The following DLGAP2 variants were observed in gnomAD, a reference collection of about 807,000 sequenced individuals.
DLGAP2 encodes the protein disks large-associated protein 2.
DLGAP2 carries 26 observed loss-of-function variants against 100.3 expected under a neutral mutation model. That is an observed-to-expected ratio of 0.26 (90% CI 0.19 to 0.36). The LOEUF is 0.36. DLGAP2 is among the 10% of genes least tolerant of loss of function. The pLI, the probability that DLGAP2 is intolerant of heterozygous loss-of-function variation, is 1.00. For synonymous variants in DLGAP2, 886 were observed against 630.1 expected, an observed-to-expected ratio of 1.41 and a Z score of -6.08; for missense variants, 1,858 against 1,453.2, an observed-to-expected ratio of 1.28 and a Z score of -4.53.
intron 2 of DLGAP2, among the ~76,000 whole-genome samples, chr8:1,073,736 G>A (rs1053733296): frequency 6.6e-6 from 1 of 152,320 alleles, no homozygotes; most frequent in East Asian, 1.9e-4. Flanking sequence ...TCCCATGCAC[G>A]GCTCCCATGC....
chr8:1,603,621 G>T (rs536626852), intron 6 of DLGAP2, among the ~76,000 whole-genome samples: 1 of 151,476 alleles, frequency 6.6e-6, no homozygotes, highest in Non-Finnish European at 1.5e-5. Context: ...TCTCAGTTCT[G>T]TAGAGGCTGG....
intron 3 of DLGAP2, among the ~76,000 whole-genome samples, chr8:1,452,815 G>A (rs1280669213): frequency 6.6e-6 from 1 of 152,152 alleles, no homozygotes; most frequent in African/African-American, 2.4e-5. Context: ...GCAGGTCTAT[G>A]GATCCCAGCC....
At chr8:1,606,918 C>T (rs549974576) in intron 6 of DLGAP2, among the ~76,000 whole-genome samples, 1 of 152,162 alleles carries the variant, frequency 6.6e-6, no homozygotes. Context: ...CTCCTAAGCT[C>T]GAGAGATCCA....
chr8:1,690,295 G>A (rs942905136), intron 12 of DLGAP2, among the ~76,000 whole-genome samples: 2 of 151,848 alleles, frequency 1.3e-5, no homozygotes, highest in South Asian at 2.1e-4. Flanking sequence ...GGTGGAGGCT[G>A]CAGTGAGCCA....
intron 2 of DLGAP2, among the ~76,000 whole-genome samples, chr8:1,151,716 A>C (rs2129051586): frequency 6.6e-6 from 1 of 152,254 alleles, no homozygotes; most frequent in African/African-American, 2.4e-5. Context: ...AAAGAGGCCG[A>C]TTGTCAGGTG....
chr8:973,764 G>A lies in DLGAP2; in HGVS notation c.73+65798G>A, dbSNP rs1272964774. Among the ~76,000 whole-genome samples, 18 of 152,206 alleles carry A rather than the reference G, an allele frequency of 1.2e-4. 1 individual carries two copies. In the South Asian group the frequency reaches 2.5e-3, roughly 21 times the overall value. On this transcript the variant is annotated intron_variant, in intron 2 of 14. Coordinates refer to ENST00000637795, the MANE Select transcript of DLGAP2 (RefSeq NM_001346810.2). ...GATCATGGAGGGAAGGCAAATATACGCGCGGCTGAGCGGAGGCGAATCCGG... is the reference window on the plus strand; with the variant it reads ...GATCATGGAGGGAAGGCAAATATACACGCGGCTGAGCGGAGGCGAATCCGG...
At chr8:1,204,548 G>A (rs762143676) in intron 2 of DLGAP2, among the ~76,000 whole-genome samples, 2 of 149,858 alleles carry the variant, frequency 1.3e-5, no homozygotes, top group African/African-American at 2.5e-5. Flanking sequence ...ACTTGTGTGT[G>A]TGTGTATATG....
intron 8 of DLGAP2, 125 bp downstream of exon 8, chr8:1,633,171 T>G: frequency 1.2e-6 from 1 of 864,734 alleles, no homozygotes; most frequent in Admixed American, 2.6e-5. Flanking sequence ...TAGTAACGTT[T>G]CCTAATTGCA....
At chr8:934,745 G>A (rs534682918) in intron 2 of DLGAP2, among the ~76,000 whole-genome samples, 4 of 152,226 alleles carry the variant, frequency 2.6e-5, no homozygotes, top group African/African-American at 7.2e-5. Context: ...GCCGGCTCTC[G>A]GGGAGATGGA....
intron 2 of DLGAP2, among the ~76,000 whole-genome samples, chr8:921,267 G>A (rs1160172057): frequency 6.6e-6 from 1 of 152,098 alleles, no homozygotes; most frequent in African/African-American, 2.4e-5. Context: ...ACTTTCCTGG[G>A]CTCAGGGTTT....
chr8:1,667,692 G>A (rs1261969629), intron 8 of DLGAP2, among the ~76,000 whole-genome samples: 1 of 152,194 alleles, frequency 6.6e-6, no homozygotes, highest in Non-Finnish European at 1.5e-5. Context: ...TCACACACAG[G>A]TTTCCTGTAC....
At chr8:1,060,904 A>C (rs1018981431) in intron 2 of DLGAP2, among the ~76,000 whole-genome samples, 1 of 152,214 alleles carries the variant, frequency 6.6e-6, no homozygotes, top group African/African-American at 2.4e-5. Context: ...AAGGGATCTT[A>C]GGGAAGGGAG....
chr8:1,287,197 T>G (rs1799943243), intron 3 of DLGAP2, among the ~76,000 whole-genome samples: 1 of 81,404 alleles, frequency 1.2e-5, no homozygotes. Context: ...GGAACTAGTT[T>G]TGGTTCAGTG....
At chr8:789,940 G>C (rs920317827) in intron 1 of DLGAP2, among the ~76,000 whole-genome samples, 1 of 152,178 alleles carries the variant, frequency 6.6e-6, no homozygotes, top group Non-Finnish European at 1.5e-5. Context: ...CTGTGCTTAA[G>C]GTTTCTGATC....
At chr8:1,139,016 C>G (rs1796474086) in intron 2 of DLGAP2, among the ~76,000 whole-genome samples, 1 of 152,248 alleles carries the variant, frequency 6.6e-6, no homozygotes, top group Non-Finnish European at 1.5e-5. Context: ...TGCCTCAGCC[C>G]CCTGGCTGGT....
chr8:1,378,450 T>A (rs1328997630), intron 3 of DLGAP2, among the ~76,000 whole-genome samples: 1 of 150,132 alleles, frequency 6.7e-6, no homozygotes, highest in East Asian at 2.0e-4. Context: ...CTGTCCATCC[T>A]GCGCACACCT....
intron 4 of DLGAP2, among the ~76,000 whole-genome samples, chr8:1,539,277 C>T (rs1230647604): frequency 6.6e-6 from 1 of 152,242 alleles, no homozygotes; most frequent in Non-Finnish European, 1.5e-5. Context: ...TTCTCTGGGA[C>T]TTAATCGCTG....
At chr8:756,464 A>G (rs1369544668) in intron 1 of DLGAP2, among the ~76,000 whole-genome samples, 1 of 152,196 alleles carries the variant, frequency 6.6e-6, no homozygotes, top group Non-Finnish European at 1.5e-5. Flanking sequence ...AGATTTTAAG[A>G]CACAATAAAA....
At chr8:1,635,106 A>G (rs1250968807) in intron 8 of DLGAP2, among the ~76,000 whole-genome samples, 1 of 152,214 alleles carries the variant, frequency 6.6e-6, no homozygotes, top group Non-Finnish European at 1.5e-5. Flanking sequence ...TGAAGAAATA[A>G]AAGTACAGAT....
Sources: gnomAD v4.1 joint callset for allele counts (sites outside exome capture counted in the v4.1 genomes callset) on GRCh38, gnomAD v4.1.1 for gene constraint, MANE v1.5 for transcripts, NCBI Gene and HGNC (gene_info 2026-07-23, HGNC 2026-07-21) for gene names.